The following SLC28A1 variants were observed in gnomAD, a reference collection of about 807,000 sequenced individuals.
SLC28A1 encodes the protein sodium/nucleoside cotransporter 1.
A neutral mutation model predicts 74.8 loss-of-function variants in SLC28A1; 64 were observed. The ratio of observed to expected loss-of-function variants is 0.86; its 90% CI spans 0.70 to 1.05. The LOEUF (loss-of-function observed/expected upper bound fraction) is 1.05. SLC28A1 is among the 50% of genes least tolerant of loss of function. SLC28A1 has a pLI of 0.00. For missense variants in SLC28A1, 828 were observed against 822.8 expected, an observed-to-expected ratio of 1.01 and a Z score of -0.08; for synonymous variants, 359 against 335.0, an observed-to-expected ratio of 1.07 and a Z score of -0.78.
chr15:84,905,804 A>G (rs1567138459), intron 8 of SLC28A1, 152 bp downstream of exon 8: 2 of 693,864 alleles, frequency 2.9e-6, no homozygotes, highest in Non-Finnish European at 5.3e-6. Flanking sequence ...CCAGGTGGGC[A>G]GCTGGGGACC....
At chr15:84,969,861 G>A in the SLC28A1 span, among the ~76,000 whole-genome samples, 3 of 152,070 alleles carry the variant, frequency 2.0e-5, no homozygotes, top group African/African-American at 4.8e-5. Flanking sequence ...TTTCTCTCTC[G>A]TCGAGCCTTG....
At chr15:84,910,770 C>A (rs1968079342) in intron 9 of SLC28A1, among the ~76,000 whole-genome samples, 1 of 152,118 alleles carries the variant, frequency 6.6e-6, no homozygotes, top group East Asian at 1.9e-4. Context: ...ACACACCCGA[C>A]ACTCTGCAGT....
intron 15 of SLC28A1, among the ~76,000 whole-genome samples, chr15:84,937,027 T>G (rs1163583922): frequency 6.8e-6 from 1 of 147,700 alleles, no homozygotes; most frequent in South Asian, 2.2e-4. Context: ...CACTCCAGCC[T>G]GGGCAACAGA....
rs760711467 is a variant in SLC28A1, at chr15:84,933,136, C to A, written c.1084-9C>A. 6 of 1,612,964 alleles carry A rather than the reference C, an allele frequency of 3.7e-6. No individual in the cohort carries two copies. The South Asian group carries it at 5.5e-5, about 15-fold the overall frequency. ...TGTCCACCTAGAACCTGCACTCTCACTCTTGCAGATCGATGCCACCTCGTT... is the reference window on the plus strand; with the variant it reads ...TGTCCACCTAGAACCTGCACTCTCAATCTTGCAGATCGATGCCACCTCGTT... On this transcript the variant is annotated splice_polypyrimidine_tract_variant and intron_variant, in intron 12 of 18. Transcript: ENST00000394573.
chr15:84,891,733 G>A (rs764436937), intron 5 of SLC28A1, among the ~76,000 whole-genome samples: 7 of 152,190 alleles, frequency 4.6e-5, no homozygotes, highest in African/African-American at 7.2e-5. Flanking sequence ...GAATTGGAGC[G>A]GATGGCAGAT....
chr15:84,959,104 A>C, the SLC28A1 span, among the ~76,000 whole-genome samples: 2 of 145,390 alleles, frequency 1.4e-5, no homozygotes, highest in African/African-American at 5.0e-5. Context: ...CATCTCAAAA[A>C]AAAAAAAAAA....
chr15:84,968,146 A>T, the SLC28A1 span, among the ~76,000 whole-genome samples: 1 of 152,154 alleles, frequency 6.6e-6, no homozygotes. Context: ...GCTAGAACCC[A>T]TGTGGCCCAT....
In SLC28A1 at chr15:84,945,162, T is replaced by G. The variant is rs1167285563; in HGVS notation, c.1912T>G (p.Cys638Gly). ...GTTCAGCCCAGAGGCCCTGGACAAC[T>G]GCTGTCGGTTTTACAACCACACGAT... ...PEFSPEALDN[C>G]CRFYNHTICA... is the part of the protein sequence containing the mutation. Residue 638 changes from cysteine to glycine, a missense_variant, in exon 19 of 19, where the codon TGC (cysteine) becomes GGC (glycine). By Grantham distance (159) the Cys-to-Gly change is radical. Transcript: ENST00000394573. The G allele has an allele frequency of 1.1e-5, 17 of 1,613,992 alleles. No homozygotes were observed. The highest frequency in any genetic ancestry group is 1.4e-5 in the Non-Finnish European group (17 of 1,180,006).
At chr15:84,902,690 A>G (rs987180925) in intron 6 of SLC28A1, among the ~76,000 whole-genome samples, 1 of 152,032 alleles carries the variant, frequency 6.6e-6, no homozygotes, top group African/African-American at 2.4e-5. Flanking sequence ...CATACCTCTA[A>G]TAAAGCTGTT....
chr15:84,888,943 A>G, intron 4 of SLC28A1, 83 bp downstream of exon 4: 3 of 979,602 alleles, frequency 3.1e-6, no homozygotes, highest in African/African-American at 1.6e-5. Context: ...CTCCTGGCGG[A>G]TGGGAGTTGG....
chr15:84,897,707 A>G (rs913458441), intron 6 of SLC28A1, among the ~76,000 whole-genome samples: 2 of 152,192 alleles, frequency 1.3e-5, no homozygotes, highest in African/African-American at 4.8e-5. Context: ...CACCTTACTG[A>G]TCTATCTGTC....
At chr15:84,942,603 A>T (rs11852308) in intron 15 of SLC28A1, among the ~76,000 whole-genome samples, 1 of 152,072 alleles carries the variant, frequency 6.6e-6, no homozygotes, top group Non-Finnish European at 1.5e-5. Flanking sequence ...TCCAGACAGG[A>T]AAACTGACAC....
At chr15:84,967,848 T>A in the SLC28A1 span, among the ~76,000 whole-genome samples, 2 of 151,958 alleles carry the variant, frequency 1.3e-5, no homozygotes, top group Non-Finnish European at 2.9e-5. Context: ...TGTGGGTGAG[T>A]CTGAGGGTAG....
chr15:84,910,558 A>G (rs771577523), intron 9 of SLC28A1, among the ~76,000 whole-genome samples: 16 of 152,246 alleles, frequency 1.1e-4, no homozygotes, highest in East Asian at 5.8e-4. Context: ...GAGAAACCCC[A>G]TCTCTACTAA....
chr15:84,950,369 T>C (rs1300074943), downstream of SLC28A1, among the ~76,000 whole-genome samples: 7 of 150,220 alleles, frequency 4.7e-5, no homozygotes, highest in Admixed American at 2.7e-4. Flanking sequence ...CTTTTTTTTT[T>C]TTTTTTTTTT....
At chr15:84,959,926 G>A in the SLC28A1 span, among the ~76,000 whole-genome samples, 2 of 152,190 alleles carry the variant, frequency 1.3e-5, no homozygotes, top group Non-Finnish European at 1.5e-5. Context: ...GAGGAGTTGG[G>A]GAGGGATAAG....
intron 6 of SLC28A1, 73 bp downstream of exon 6, chr15:84,895,196 G>T: frequency 6.3e-7 from 1 of 1,593,204 alleles, no homozygotes; most frequent in Non-Finnish European, 8.6e-7. Flanking sequence ...CAGGGTTATG[G>T]CCAGGGCTGG....
At chr15:84,941,387 A>C (rs1972674620) in intron 15 of SLC28A1, among the ~76,000 whole-genome samples, 1 of 151,704 alleles carries the variant, frequency 6.6e-6, no homozygotes, top group Non-Finnish European at 1.5e-5. Context: ...TTGTATTTTT[A>C]GTAGAAATGG....
chr15:84,925,074 T>G (rs1023814934), intron 12 of SLC28A1, among the ~76,000 whole-genome samples: 2 of 129,588 alleles, frequency 1.5e-5, no homozygotes, highest in Non-Finnish European at 3.3e-5. Context: ...CTAGTTTTTT[T>G]TTTTTTTTTT....
Sources: gnomAD v4.1 joint callset for allele counts (sites outside exome capture counted in the v4.1 genomes callset) on GRCh38, gnomAD v4.1.1 for gene constraint, MANE v1.5 for transcripts, NCBI Gene and HGNC (gene_info 2026-07-23, HGNC 2026-07-21) for gene names.